Variants in PRUNE2 observed in about 807,000 individuals in gnomAD.
The protein encoded by PRUNE2 is protein prune homolog 2.
Under a neutral mutation model 252.0 loss-of-function variants are expected in PRUNE2, and 164 were observed. The ratio of observed to expected loss-of-function variants is 0.65; its 90% CI spans 0.57 to 0.74. PRUNE2 has a LOEUF of 0.74. PRUNE2 is among the 30% of genes least tolerant of loss of function. The pLI, the probability that PRUNE2 is intolerant of heterozygous loss-of-function variation, is 0.00. For synonymous variants in PRUNE2, 1,292 were observed against 1,350.2 expected (o/e 0.96, Z 0.94); for missense variants, 3,495 against 3,711.0 (o/e 0.94, Z 1.51).
intron 6 of PRUNE2, among the ~76,000 whole-genome samples, chr9:76,776,477 G>A (rs1335503234): frequency 6.7e-6 from 1 of 149,830 alleles, no homozygotes; most frequent in Non-Finnish European, 1.5e-5. Context: ...GTATATCACG[G>A]TATACATTTA....
chr9:76,902,958 G>C (rs1215487776), intron 1 of PRUNE2, among the ~76,000 whole-genome samples: 31 of 152,232 alleles, frequency 2.0e-4, no homozygotes. Flanking sequence ...AAGAGTAGTA[G>C]GGCCAGACTG....
intron 7 of PRUNE2, among the ~76,000 whole-genome samples, chr9:76,711,843 GA>G (rs1425304114): frequency 6.6e-6 from 1 of 152,182 alleles, no homozygotes; most frequent in Non-Finnish European, 1.5e-5. Context: ...GAAAGACAAA[GA>G]TGCTCCCGCA....
chr9:76,900,571 A>G (rs376798146), intron 1 of PRUNE2, among the ~76,000 whole-genome samples: 1 of 152,180 alleles, frequency 6.6e-6, no homozygotes, highest in African/African-American at 2.4e-5. Context: ...GGCACTGTTC[A>G]TATCACCGTC....
chr9:76,793,415 C>G (rs1438861435), intron 6 of PRUNE2, among the ~76,000 whole-genome samples: 1 of 151,842 alleles, frequency 6.6e-6, no homozygotes, highest in Non-Finnish European at 1.5e-5. Context: ...AGAATGAAAT[C>G]GATGTTAGTG....
rs142642117 is a variant in PRUNE2, at chr9:76,668,794, C to G, written c.8277-13292G>C. The stretch of plus-strand genomic sequence containing the variant: ...CTGCCTCTGGCTGGGGACTTCTCAC[C>G]TTGGGAGGCATCGTCGTTTGGAGGG... On this transcript the variant is annotated intron_variant, in intron 9 of 18. Transcript: ENST00000376718. 5.3e-3 allele frequency among the ~76,000 whole-genome samples: 798 copies of G among 151,698 alleles called. 3 individuals carry two copies. Among genetic ancestry groups the G allele is most frequent in the African/African-American group, 0.018 (741 of 41,326 alleles).
intron 4 of PRUNE2, among the ~76,000 whole-genome samples, chr9:76,838,645 CAAA>C (rs10540002): frequency 3.4e-4 from 29 of 84,652 alleles, no homozygotes; most frequent in Admixed American, 1.4e-4. Context: ...AACTCTGTCT[CAAA>C]AAAAAAAAAA....
intron 15 of PRUNE2, among the ~76,000 whole-genome samples, chr9:76,632,728 T>TA (rs1030036566): frequency 1.3e-5 from 2 of 151,538 alleles, no homozygotes; most frequent in Non-Finnish European, 2.9e-5. Context: ...TAGCTAAATT[T>TA]AAAAAAAAAT....
At chr9:76,701,517 A>G (rs1055188548) in intron 9 of PRUNE2, among the ~76,000 whole-genome samples, 1 of 152,212 alleles carries the variant, frequency 6.6e-6, no homozygotes, top group Admixed American at 6.5e-5. Context: ...TAGCTCAGCC[A>G]ACTCATGGCT....
intron 6 of PRUNE2, among the ~76,000 whole-genome samples, chr9:76,797,038 T>TACGCACACACACACACACAC (rs71309258): frequency 4.0e-5 from 6 of 151,640 alleles, no homozygotes; most frequent in African/African-American, 1.2e-4. Flanking sequence ...CACTCACACA[T>TACGCACACACACACACACAC]ACACACACAC....
intron 10 of PRUNE2, among the ~76,000 whole-genome samples, chr9:76,653,037 T>C (rs1169423599): frequency 6.6e-6 from 1 of 152,126 alleles, no homozygotes; most frequent in East Asian, 1.9e-4. Context: ...ATAGAAATCT[T>C]TGTATGAGAT....
intron 6 of PRUNE2, among the ~76,000 whole-genome samples, chr9:76,818,198 C>T (rs1242470773): frequency 6.6e-6 from 1 of 152,110 alleles, no homozygotes; most frequent in Non-Finnish European, 1.5e-5. Flanking sequence ...AAATACTCTA[C>T]AGGTACTTTC....
intron 14 of PRUNE2, among the ~76,000 whole-genome samples, chr9:76,636,980 T>C (rs1389270164): frequency 7.0e-6 from 1 of 143,112 alleles, no homozygotes; most frequent in East Asian, 2.0e-4. Context: ...AAAATGTGTG[T>C]GTGTGTGTGT....
chr9:76,896,288 G>C (rs1180451690), intron 1 of PRUNE2, among the ~76,000 whole-genome samples: 1 of 152,178 alleles, frequency 6.6e-6, no homozygotes, highest in Admixed American at 6.5e-5. Flanking sequence ...TATGCTCCCA[G>C]CATTTCTGTG....
intron 6 of PRUNE2, among the ~76,000 whole-genome samples, chr9:76,733,350 A>G (rs1348402681): frequency 6.6e-6 from 1 of 152,042 alleles, no homozygotes; most frequent in Non-Finnish European, 1.5e-5. Flanking sequence ...TTGGCTCTCT[A>G]GTGTCTTTGC....
At position 76,638,654 on chromosome 9, in the gene PRUNE2, C is replaced by T. The variant is rs184200739; in HGVS notation, c.8729-366G>A. On this transcript the variant is annotated intron_variant, in intron 12 of 18. Transcript: ENST00000376718. ...ACCTAAATGTCAGATTTATATCATA[C>T]TAATACATAAGTACTTATACAGCAC... Among the ~76,000 whole-genome samples, 3 of 152,284 alleles carry T rather than the reference C, an allele frequency of 2.0e-5. No homozygotes were observed. The East Asian group carries it at 5.8e-4, about 29-fold the overall frequency.
At chr9:76,639,235 T>A (rs1419620165) in intron 12 of PRUNE2, among the ~76,000 whole-genome samples, 2 of 152,192 alleles carry the variant, frequency 1.3e-5, no homozygotes, top group Non-Finnish European at 2.9e-5. Flanking sequence ...CTCATGCCTG[T>A]AATCCCAGCA....
intron 1 of PRUNE2, among the ~76,000 whole-genome samples, chr9:76,895,032 A>T (rs1216069898): frequency 6.6e-6 from 1 of 151,422 alleles, no homozygotes; most frequent in Non-Finnish European, 1.5e-5. Context: ...CTCAAAAAAT[A>T]AAAAAAAGGG....
At chr9:76,803,978 G>C (rs2056751537) in intron 6 of PRUNE2, among the ~76,000 whole-genome samples, 1 of 152,014 alleles carries the variant, frequency 6.6e-6, no homozygotes, top group African/African-American at 2.4e-5. Context: ...TGGGAAGCTG[G>C]CTCTGCCTCT....
chr9:76,788,733 A>G (rs1297094569), intron 6 of PRUNE2, among the ~76,000 whole-genome samples: 4 of 152,220 alleles, frequency 2.6e-5, no homozygotes, highest in Non-Finnish European at 5.9e-5. Flanking sequence ...CACAAATCTT[A>G]TAAGAAGAGA....
Sources: gnomAD v4.1 joint callset for allele counts (sites outside exome capture counted in the v4.1 genomes callset) on GRCh38, gnomAD v4.1.1 for gene constraint, MANE v1.5 for transcripts, NCBI Gene and HGNC (gene_info 2026-07-23, HGNC 2026-07-21) for gene names.